The following SLC6A17 variants were observed in gnomAD, a reference collection of about 807,000 sequenced individuals.
SLC6A17 encodes solute carrier family 6 member 17.
SLC6A17 carries 21 observed loss-of-function variants against 64.5 expected under a neutral mutation model. The observed-to-expected ratio is 0.33, with a 90% CI of 0.23 to 0.47. The LOEUF (loss-of-function observed/expected upper bound fraction) is 0.47. SLC6A17 is among the 20% of genes least tolerant of loss of function. The probability of loss-of-function intolerance (pLI) is 1.00; values close to 1 mark genes in which losing one functional copy is unlikely to be tolerated. For missense variants in SLC6A17, 682 were observed against 963.2 expected, an observed-to-expected ratio of 0.71 and a Z score of 3.86; for synonymous variants, 372 against 399.5, an observed-to-expected ratio of 0.93 and a Z score of 0.82.
At chr1:110,154,003 C>G (rs1229853465) in intron 1 of SLC6A17, among the ~76,000 whole-genome samples, 1 of 152,186 alleles carries the variant, frequency 6.6e-6, no homozygotes, top group Non-Finnish European at 1.5e-5. Context: ...AGCAGTATCC[C>G]AAACTCAAGT....
intron 6 of SLC6A17, among the ~76,000 whole-genome samples, chr1:110,180,473 G>A (rs1035817400): frequency 2.6e-5 from 4 of 152,152 alleles, no homozygotes; most frequent in African/African-American, 9.7e-5. Context: ...GCTCTGGGGG[G>A]CTCCATCCAA....
At position 110,193,571 on chromosome 1, in the gene SLC6A17, G is replaced by T. The variant is rs375501448; in HGVS notation, c.1299+873G>T. The stretch of plus-strand genomic sequence containing the variant: ...CCTGTCCTTCATGGGACTGGGGAAG[G>T]GGGTGCTTTCCCTGGGCTCTATGTT... On this transcript the variant is annotated intron_variant, in intron 8 of 11. Transcript: ENST00000331565. 2.0e-5 allele frequency among the ~76,000 whole-genome samples: 3 copies of T among 152,352 alleles called. No homozygotes were observed. In the East Asian group the frequency reaches 5.8e-4, roughly 29 times the overall value.
intron 2 of SLC6A17, among the ~76,000 whole-genome samples, chr1:110,169,953 A>G (rs1656174399): frequency 6.6e-6 from 1 of 152,198 alleles, no homozygotes; most frequent in Non-Finnish European, 1.5e-5. Flanking sequence ...ACCTGCAGTC[A>G]CTTCAGGGCC....
At position 110,160,167 on chromosome 1, in the gene SLC6A17, T is replaced by A. The variant is rs545067944; in HGVS notation, c.-87-6676T>A. On this transcript the variant is annotated intron_variant, in intron 1 of 11. Transcript: ENST00000331565. ...CACTGCTCCTCATTTTACAGATGAA[T>A]AAGAAACAAACTGGCTTCCAAGTCT... Among the ~76,000 whole-genome samples the A allele has an allele frequency of 1.6e-4, 24 of 152,376 alleles. No homozygotes were observed. The South Asian group carries it at 4.8e-3, about 30-fold the overall frequency.
chr1:110,161,946 T>TTTTTTCTCC (rs1655922159), intron 1 of SLC6A17, among the ~76,000 whole-genome samples: 1 of 152,220 alleles, frequency 6.6e-6, no homozygotes, highest in Admixed American at 6.5e-5. Flanking sequence ...AGTCACACTA[T>TTTTTTCTCC]TTTTTCTCCT....
Position 110,197,556 on chromosome 1 carries a change from T to C in SLC6A17, c.1772T>C (p.Leu591Pro). The change falls in exon 11 of 12, where the codon CTG becomes CCG. Residue 591 changes from leucine (L) to proline (P), a missense_variant. By Grantham distance (98) the Leu-to-Pro change is moderately conservative (BLOSUM62 -3). Around this residue, in one of 3 missense-constraint regions of SLC6A17, gnomAD observed 264 missense variants for 339.5 expected, o/e 0.78. Transcript: ENST00000331565. Reference protein sequence around the residue: ...AVLTTASIIQLGVTPPGYSAW... With the variant: ...AVLTTASIIQPGVTPPGYSAW... ...CTCACCACAGCCAGCATCATCCAGCTGGGGGTCACGCCCCCGGGCTACAGC... is the reference window on the plus strand; with the variant it reads ...CTCACCACAGCCAGCATCATCCAGCCGGGGGTCACGCCCCCGGGCTACAGC... 3.7e-6 allele frequency: 6 copies of C among 1,612,116 alleles called. No individual in the cohort carries two copies. Among genetic ancestry groups the C allele is most frequent in the Non-Finnish European group, 5.1e-6 (6 of 1,179,240 alleles).
At position 110,198,269 on chromosome 1, in the gene SLC6A17, A is replaced by T. The variant is rs1186482630; in HGVS notation, c.2009A>T (p.Asn670Ile). 1.2e-6 allele frequency: 2 copies of T among 1,614,062 alleles called. No individual in the cohort carries two copies. The highest frequency in any genetic ancestry group is 2.7e-5 in the African/African-American group (2 of 74,916). The change falls in exon 12 of 12, where the codon AAC becomes ATC. Residue 670 changes from asparagine (N) to isoleucine (I), a missense_variant. Physicochemically the swap from Asn to Ile is moderately radical, Grantham distance 149. This residue lies in a region of SLC6A17 where 264 missense variants were observed against 339.5 expected (regional missense o/e 0.78). Transcript: ENST00000331565. Reference sequence around the variant, plus strand: ...AAGGACATCTCCAACCTGGAGGAGAACGATGAGACCCGCTTCATCCTCAGC... The same window carrying T: ...AAGGACATCTCCAACCTGGAGGAGATCGATGAGACCCGCTTCATCCTCAGC... ...MMKDISNLEE[N>I]DETRFILSKV... is the part of the protein sequence containing the mutation.
chr1:110,194,707 G>A lies in SLC6A17; in HGVS notation c.1428G>A (p.Gly476=), dbSNP rs1454635763. The A allele has an allele frequency of 1.9e-6, 3 of 1,614,170 alleles. No homozygotes were observed. Among genetic ancestry groups the A allele is most frequent in the Non-Finnish European group, 2.5e-6 (3 of 1,180,036 alleles). The change falls in exon 9 of 12, where the codon GGG becomes GGA. Residue 476 remains glycine (G), a synonymous_variant. Transcript: ENST00000331565. ...LINLGLGSMI[G]TMAGITTPII... is the part of the protein sequence containing the mutation. Reference sequence around the variant, plus strand: ...ACCTGGGCCTGGGCAGCATGATCGGGACCATGGCAGGCATCACCACGCCCA... The same window carrying A: ...ACCTGGGCCTGGGCAGCATGATCGGAACCATGGCAGGCATCACCACGCCCA...
chr1:110,191,778 A>T (rs548612250), intron 6 of SLC6A17, among the ~76,000 whole-genome samples, 194 bp from the exon 7 acceptor site: 4 of 152,282 alleles, frequency 2.6e-5, no homozygotes, highest in Middle Eastern at 3.4e-3. Context: ...TCTGAAGTTG[A>T]TACTCTTGTG....
intron 1 of SLC6A17, among the ~76,000 whole-genome samples, chr1:110,158,921 G>C (rs141453600): frequency 6.6e-6 from 1 of 152,186 alleles, no homozygotes; most frequent in African/African-American, 2.4e-5. Context: ...GCTCACCCTA[G>C]TTGGGTGGGA....
rs1655820274 is a variant in SLC6A17, at chr1:110,158,598, G to GT, written c.-88+7716dup. Among the ~76,000 whole-genome samples, 3 of 152,354 alleles carry GT rather than the reference G, an allele frequency of 2.0e-5. No homozygotes were observed. In the South Asian group the frequency reaches 6.2e-4, roughly 32 times the overall value. On this transcript the variant is annotated intron_variant, in intron 1 of 11. Coordinates refer to ENST00000331565, the MANE Select transcript of SLC6A17 (RefSeq NM_001010898.4). The stretch of plus-strand genomic sequence containing the variant: ...TTTATACTCATGACAACCCTACGAG[G>GT]TGTAGCATCCTTCATCCCTATCTTT...
At position 110,176,670 on chromosome 1, in the gene SLC6A17, C is replaced by G; in HGVS notation, c.795C>G (p.Ala265=). The change falls in exon 6 of 12, where the codon GCC becomes GCG. Residue 265 remains alanine (A), a synonymous_variant. Coordinates refer to ENST00000331565, the MANE Select transcript of SLC6A17 (RefSeq NM_001010898.4). Reference sequence around the variant, plus strand: ...CCCTCTTCCCCTACGTGGTGCTGGCCTGCTTCCTGGTCCGGGGGCTGTTGC... The same window carrying G: ...CCCTCTTCCCCTACGTGGTGCTGGCGTGCTTCCTGGTCCGGGGGCTGTTGC... ...FSSLFPYVVL[A]CFLVRGLLLR... is the part of the protein sequence containing the mutation. 6.2e-7 allele frequency: 1 copy of G among 1,614,112 alleles called. No individual in the cohort carries two copies. Among genetic ancestry groups the G allele is most frequent in the Non-Finnish European group, 8.5e-7 (1 of 1,179,982 alleles).
intron 2 of SLC6A17, among the ~76,000 whole-genome samples, chr1:110,169,848 A>G (rs917141977): frequency 4.6e-5 from 7 of 152,224 alleles, no homozygotes; most frequent in African/African-American, 1.7e-4. Flanking sequence ...AAAGGTTGAT[A>G]TGAAAAAATA....
chr1:110,157,787 A>G (rs1256639643), intron 1 of SLC6A17, among the ~76,000 whole-genome samples: 5 of 152,078 alleles, frequency 3.3e-5, no homozygotes. Context: ...CTCTAGGCAC[A>G]TGGCCGTCTG....
intron 6 of SLC6A17, among the ~76,000 whole-genome samples, chr1:110,183,563 C>T (rs1656587330): frequency 6.6e-6 from 1 of 152,082 alleles, no homozygotes; most frequent in African/African-American, 2.4e-5. Flanking sequence ...AATAGTTACA[C>T]AACAGTGTGA....
chr1:110,177,883 T>C (rs1158380069), intron 6 of SLC6A17: 3 of 152,248 alleles, frequency 2.0e-5, no homozygotes, highest in Non-Finnish European at 4.4e-5. Flanking sequence ...CGCCACTCCA[T>C]AGTCACCAGA....
At chr1:110,176,832 C>G (rs764521515) in intron 6 of SLC6A17, 93 bp downstream of exon 6, 2 of 1,080,786 alleles carry the variant, frequency 1.9e-6, no homozygotes, top group Non-Finnish European at 1.4e-6. Context: ...TAATGCACTC[C>G]GAACACCTGC....
rs183664584 is a variant in SLC6A17, at chr1:110,151,138, G to A, written c.-88+255G>A. Among the ~76,000 whole-genome samples, 151 of 152,372 alleles carry A rather than the reference G, an allele frequency of 9.9e-4. 2 individuals carry two copies. The highest frequency in any genetic ancestry group is 9.7e-3 in the Admixed American group (149 of 15,310). ...GGCGTACGCACGGGTTGGACACCGG[G>A]CTTCAGCTTCTGGTGCTCAGAAGGG... On this transcript the variant is annotated intron_variant, in intron 1 of 11. Coordinates refer to ENST00000331565, the MANE Select transcript of SLC6A17 (RefSeq NM_001010898.4).
intron 1 of SLC6A17, among the ~76,000 whole-genome samples, chr1:110,161,805 C>G (rs954197823): frequency 2.0e-5 from 3 of 152,190 alleles, no homozygotes; most frequent in African/African-American, 7.2e-5. Flanking sequence ...GGGCTCCAGG[C>G]TTTGTCCTGG....
Sources: allele counts gnomAD v4.1 joint callset (sites outside exome capture counted in the v4.1 genomes callset), GRCh38; gene constraint gnomAD v4.1.1; regional missense constraint gnomAD v4.1.1; transcripts MANE v1.5; gene names NCBI Gene and HGNC (gene_info 2026-07-23, HGNC 2026-07-21).